ZNF365: variants seen among roughly 807,000 people sequenced by gnomAD.
The protein encoded by ZNF365 is zinc finger protein 365, also known as protein ZNF365.
ZNF365 carries 22 observed loss-of-function variants against 35.0 expected under a neutral mutation model. The ratio of observed to expected loss-of-function variants is 0.63; its 90% CI spans 0.45 to 0.90. ZNF365 has a LOEUF of 0.90. Ranked by LOEUF, ZNF365 falls within the 40% of genes least tolerant of loss-of-function variation. The pLI is 0.00. For synonymous variants in ZNF365, 188 were observed against 196.2 expected (o/e 0.96, Z 0.35); for missense variants, 448 against 500.3 (o/e 0.90, Z 1.00).
rs117234348 is a variant in ZNF365 at position 62,464,761 on chromosome 10, C to T, written c.981+4964C>T. Among the ~76,000 whole-genome samples the T allele has an allele frequency of 2.2e-4, 33 of 152,276 alleles. No individual in the cohort carries two copies. The East Asian group carries it at 5.8e-3, about 27-fold the overall frequency. On this transcript the variant is annotated intron_variant, in intron 4 of 4. Coordinates refer to the ZNF365 transcript ENST00000395255. ...TAGGAGGATTATCACTTTATGGATC[C>T]TCATGTTAGGGACACAATACTCGAA...
chr10:62,447,398 C>T (rs112655704), intron 3 of ZNF365, among the ~76,000 whole-genome samples: 275 of 152,256 alleles, frequency 1.8e-3, no homozygotes, highest in African/African-American at 5.9e-3. Context: ...CAGGATCTAG[C>T]AAATGGTTGA....
chr10:62,376,732 T>C lies in ZNF365; in HGVS notation c.539T>C (p.Ile180Thr), dbSNP rs548450137. The change falls in exon 2 of 5, where the codon ATT becomes ACT. Residue 180 changes from isoleucine (I) to threonine (T), a missense_variant. Transcript: ENST00000395254. ...GTGGATAGGACCATTGAGAAGAGAA[T>C]TGATAAACTCACCAAAGAGTTGGCC... ...EAVDRTIEKR[I>T]DKLTKELAQK... The C allele has an allele frequency of 3.2e-5, 52 of 1,614,160 alleles. No individual in the cohort carries two copies. The highest frequency in any genetic ancestry group is 1.6e-4 in the Middle Eastern group (1 of 6,062).
chr10:62,477,565 G>A (rs1841153493), intron 4 of ZNF365, among the ~76,000 whole-genome samples: 2 of 152,084 alleles, frequency 1.3e-5, no homozygotes, highest in Non-Finnish European at 2.9e-5. Context: ...AATATTATTA[G>A]CACCGTTTAT....
Position 62,399,759 on chromosome 10 carries a change from A to G in ZNF365, c.1194A>G (p.Lys398=). ...KGNIRPKMAK[K]KPTAIVNII Reference sequence around the variant, plus strand: ...ACATCAGGCCCAAAATGGCTAAAAAAAAGCCAACAGCCATTGTGAACATCA... The same window carrying G: ...ACATCAGGCCCAAAATGGCTAAAAAGAAGCCAACAGCCATTGTGAACATCA... The change falls in exon 5 of 5, where the codon AAA becomes AAG. Residue 398 remains lysine (K), a synonymous_variant. Coordinates refer to ENST00000395254, the MANE Select transcript of ZNF365 (RefSeq NM_014951.3). 6.2e-7 allele frequency: 1 copy of G among 1,613,786 alleles called. No individual in the cohort carries two copies. Among genetic ancestry groups the G allele is most frequent in the Non-Finnish European group, 8.5e-7 (1 of 1,179,952 alleles).
chr10:62,445,104 C>A (rs1181768259), intron 3 of ZNF365, among the ~76,000 whole-genome samples: 2 of 148,164 alleles, frequency 1.3e-5, no homozygotes, highest in African/African-American at 5.1e-5. Context: ...AGGACATGAA[C>A]TCATCATTTT....
At chr10:62,471,138 G>A (rs572787932) in intron 4 of ZNF365, among the ~76,000 whole-genome samples, 4 of 152,148 alleles carry the variant, frequency 2.6e-5, no homozygotes, top group South Asian at 2.1e-4. Flanking sequence ...AGGCCAAGGC[G>A]GGCGGATCAC....
chr10:62,457,174 T>C (rs1438052438), intron 3 of ZNF365, among the ~76,000 whole-genome samples: 1 of 152,202 alleles, frequency 6.6e-6, no homozygotes, highest in Non-Finnish European at 1.5e-5. Context: ...CAAGACCAGC[T>C]GCACAAACAT....
intron 4 of ZNF365, among the ~76,000 whole-genome samples, chr10:62,477,279 A>C (rs1841147898): frequency 6.6e-6 from 1 of 152,234 alleles, no homozygotes; most frequent in Non-Finnish European, 1.5e-5. Flanking sequence ...AGAGACTGAC[A>C]TCTTAGAGGT....
At chr10:62,383,127 G>A (rs532675538) in intron 2 of ZNF365, among the ~76,000 whole-genome samples, 11 of 152,294 alleles carry the variant, frequency 7.2e-5, no homozygotes, top group South Asian at 4.1e-4. Context: ...AATGATTTTC[G>A]AGTAGAGATA....
rs572179220 is a variant in ZNF365, at chr10:62,388,428, C to T, written c.776C>T (p.Ala259Val). ...GTCACATTCAACCATTTCCTGGAAG[C>T]GGCAGCTGAGAAGGAGGTTCAAGGG... ...EVVTFNHFLE[A>V]AAEKEVQGKA... Residue 259 changes from alanine to valine, a missense_variant, in exon 3 of 5, where the codon GCG becomes GTG. Ala to Val is a moderately conservative substitution (Grantham distance 64). Around this residue, in one of 3 missense-constraint regions of ZNF365, gnomAD observed 362 missense variants for 375.7 expected, o/e 0.96. Coordinates refer to ENST00000395254, the MANE Select transcript of ZNF365 (RefSeq NM_014951.3). The T allele has an allele frequency of 1.1e-5, 18 of 1,614,084 alleles. No individual in the cohort carries two copies. The highest frequency in any genetic ancestry group is 3.3e-5 in the South Asian group (3 of 91,088).
chr10:62,388,492 G>A lies in ZNF365; in HGVS notation c.840G>A (p.Gln280=). The A allele has an allele frequency of 6.2e-7, 1 of 1,614,192 alleles. No homozygotes were observed. The highest frequency in any genetic ancestry group is 8.5e-7 in the Non-Finnish European group (1 of 1,180,042). ...AGGACTTTATTGAGAATCTGTTACA[G>A]CGGGTAGAACTGGCGGAGAAGCAGC... is the stretch of plus-strand genomic sequence containing the variant. ...RLQDFIENLL[Q]RVELAEKQLE... Residue 280 remains glutamine (Q), a synonymous_variant, in exon 3 of 5, where the codon CAG becomes CAA. Coordinates refer to ENST00000395254, the MANE Select transcript of ZNF365 (RefSeq NM_014951.3).
chr10:62,430,667 C>T (rs767901721), intron 3 of ZNF365, among the ~76,000 whole-genome samples: 6 of 152,278 alleles, frequency 3.9e-5, no homozygotes, highest in Non-Finnish European at 5.9e-5. Flanking sequence ...CTTTTGTAAA[C>T]AATCATTCCT....
chr10:62,422,711 G>T (rs1280342399), intron 3 of ZNF365, among the ~76,000 whole-genome samples: 2 of 152,130 alleles, frequency 1.3e-5, no homozygotes, highest in Admixed American at 1.3e-4. Flanking sequence ...GGCCCTAGTA[G>T]AGACTGAATG....
chr10:62,450,675 A>T (rs1840667040), intron 3 of ZNF365, among the ~76,000 whole-genome samples: 1 of 152,228 alleles, frequency 6.6e-6, no homozygotes, highest in Admixed American at 6.5e-5. Context: ...ACAGACAAAA[A>T]CACCCAAACA....
intron 4 of ZNF365, among the ~76,000 whole-genome samples, chr10:62,478,119 A>G (rs1029450358): frequency 1.2e-4 from 19 of 152,332 alleles, no homozygotes; most frequent in South Asian, 8.3e-4. Context: ...TTCAGGTGAT[A>G]GGAGACAGTC....
At chr10:62,451,861 G>C (rs1296764198) in intron 3 of ZNF365, among the ~76,000 whole-genome samples, 3 of 152,180 alleles carry the variant, frequency 2.0e-5, no homozygotes, top group African/African-American at 7.2e-5. Context: ...TTCCAAACTG[G>C]AGGATTGTCA....
chr10:62,464,694 T>G (rs1157004716), intron 4 of ZNF365, among the ~76,000 whole-genome samples: 1 of 152,262 alleles, frequency 6.6e-6, no homozygotes. Flanking sequence ...CTCCAGATTT[T>G]TTATTTCCTG....
intron 2 of ZNF365, among the ~76,000 whole-genome samples, chr10:62,379,284 A>G (rs948552678): frequency 6.6e-6 from 1 of 152,140 alleles, no homozygotes; most frequent in African/African-American, 2.4e-5. Context: ...TTGGCCTCCC[A>G]AAGTGCTGGG....
At chr10:62,421,555 C>T (rs1467667543) in intron 3 of ZNF365, among the ~76,000 whole-genome samples, 2 of 152,132 alleles carry the variant, frequency 1.3e-5, no homozygotes, top group Non-Finnish European at 2.9e-5. Context: ...GTGTGCTAAT[C>T]CCTGAAAGCA....
Sources: gnomAD v4.1 joint callset for allele counts (sites outside exome capture counted in the v4.1 genomes callset) on GRCh38, gnomAD v4.1.1 for gene constraint, gnomAD v4.1.1 regional missense constraint, MANE v1.5 for transcripts, NCBI Gene and HGNC (gene_info 2026-07-23, HGNC 2026-07-21) for gene names.